Variants in ADGRF5 observed in about 807,000 individuals in gnomAD.
The protein encoded by ADGRF5 is G-protein coupled receptor 116.
A neutral mutation model predicts 132.3 loss-of-function variants in ADGRF5; 75 were observed. The observed-to-expected ratio is 0.57, with a 90% CI of 0.47 to 0.69. ADGRF5 has a LOEUF of 0.69. Ranked by LOEUF, ADGRF5 falls within the 30% of genes least tolerant of loss-of-function variation. The pLI, the probability that ADGRF5 is intolerant of heterozygous loss-of-function variation, is 0.00. For synonymous variants in ADGRF5, 629 were observed against 597.6 expected, an observed-to-expected ratio of 1.05 and a Z score of -0.77; for missense variants, 1,516 against 1,630.6, an observed-to-expected ratio of 0.93 and a Z score of 1.21.
Position 46,880,003 on chromosome 6 carries a change from A to T in ADGRF5, c.851T>A (p.Phe284Tyr). ...SNFFVTPEIIFEGDTVSLVCE... is the reference protein window; with the variant it reads ...SNFFVTPEIIYEGDTVSLVCE... ...CACCAGACTGACTGTGTCCCCTTCA[A>T]AGATGATTTCTGGTGTGACAAAGAA... Residue 284 changes from phenylalanine to tyrosine, a missense_variant, in exon 9 of 21, where the codon TTT becomes TAT. Around this residue, in one of 2 missense-constraint regions of ADGRF5, gnomAD observed 945 missense variants for 929.4 expected, o/e 1.02. Coordinates refer to ENST00000283296, the MANE Select transcript of ADGRF5 (RefSeq NM_001098518.2). 6.2e-7 allele frequency: 1 copy of T among 1,614,136 alleles called. No homozygotes were observed. The highest frequency in any genetic ancestry group is 8.5e-7 in the Non-Finnish European group (1 of 1,179,996).
intron 1 of ADGRF5, among the ~76,000 whole-genome samples, chr6:46,920,837 T>A (rs1420837060): frequency 2.0e-5 from 3 of 152,066 alleles, no homozygotes; most frequent in Non-Finnish European, 2.9e-5. Context: ...CACTCCAACC[T>A]GGGCGACAGA....
chr6:46,944,726 G>T (rs912376244), intron 1 of ADGRF5, among the ~76,000 whole-genome samples: 10 of 152,120 alleles, frequency 6.6e-5, no homozygotes, highest in Admixed American at 4.6e-4. Flanking sequence ...CCAAAATAGA[G>T]ATTTTTAAAA....
At chr6:46,920,829 C>T (rs1582021064) in intron 1 of ADGRF5, among the ~76,000 whole-genome samples, 1 of 151,976 alleles carries the variant, frequency 6.6e-6, no homozygotes, top group Non-Finnish European at 1.5e-5. Flanking sequence ...TGCCACTGCA[C>T]TCCAACCTGG....
At chr6:46,881,356 G>T (rs989259559) in intron 8 of ADGRF5, 99 bp downstream of exon 8, 1 of 1,017,516 alleles carries the variant, frequency 9.8e-7, no homozygotes. Flanking sequence ...CCAGGAACTG[G>T]AGTGTCTAGC....
At chr6:46,953,671 A>ATATATATG (rs1778605991) in intron 1 of ADGRF5, among the ~76,000 whole-genome samples, 1 of 132,264 alleles carries the variant, frequency 7.6e-6, no homozygotes, top group African/African-American at 3.0e-5. Flanking sequence ...ATATATATAT[A>ATATATATG]TATATATATA....
intron 3 of ADGRF5, 116 bp from the exon 4 acceptor site, chr6:46,888,621 C>A: frequency 1.4e-6 from 1 of 712,180 alleles, no homozygotes; most frequent in East Asian, 2.6e-5. Flanking sequence ...GTTGGTCTAT[C>A]AACCCTTAGG....
At chr6:46,890,632 G>C (rs111882683) in intron 3 of ADGRF5, among the ~76,000 whole-genome samples, 1 of 151,938 alleles carries the variant, frequency 6.6e-6, no homozygotes, top group East Asian at 2.0e-4. Flanking sequence ...CAGAAGAATC[G>C]CTTGAACCCA....
At chr6:46,941,416 GAAAA>G (rs1778059027) in intron 1 of ADGRF5, among the ~76,000 whole-genome samples, 1 of 36,038 alleles carries the variant, frequency 2.8e-5, no homozygotes, top group African/African-American at 1.1e-4. Context: ...GAAAAGAAAA[GAAAA>G]GAAAAGAAAA....
intron 1 of ADGRF5, among the ~76,000 whole-genome samples, chr6:46,911,892 T>G (rs1775985763): frequency 6.6e-6 from 1 of 152,152 alleles, no homozygotes; most frequent in Non-Finnish European, 1.5e-5. Context: ...AATAAATTAC[T>G]CAATTCATTG....
chr6:46,878,067 T>C, intron 10 of ADGRF5, 135 bp downstream of exon 10: 1 of 662,728 alleles, frequency 1.5e-6, no homozygotes, highest in Non-Finnish European at 2.7e-6. Flanking sequence ...GCATCAAACC[T>C]AATGCCTTTT....
At chr6:46,935,925 G>A (rs1280745967) in intron 1 of ADGRF5, among the ~76,000 whole-genome samples, 3 of 152,188 alleles carry the variant, frequency 2.0e-5, no homozygotes, top group African/African-American at 2.4e-5. Context: ...GGCGTCCTCC[G>A]GAATGAGGTG....
intron 1 of ADGRF5, among the ~76,000 whole-genome samples, chr6:46,935,410 C>T (rs1048678505): frequency 5.9e-5 from 9 of 152,162 alleles, no homozygotes; most frequent in African/African-American, 2.2e-4. Context: ...ACCACTCCAC[C>T]CTGGTGTCAC....
chr6:46,888,443 C>T lies in ADGRF5; in HGVS notation c.220G>A (p.Ala74Thr), dbSNP rs1562195452. Residue 74 changes from alanine to threonine, a missense_variant, in exon 4 of 21, where the codon GCA (alanine) becomes ACA (threonine). This residue lies in a region of ADGRF5 where 945 missense variants were observed against 929.4 expected (regional missense o/e 1.02). Transcript: ENST00000283296. ...TVNIEISFENASFLDPIKAYL... is the reference protein window; with the variant it reads ...TVNIEISFENTSFLDPIKAYL... ...GCTTTGATAGGATCCAGGAAGGATG[C>T]ATTTTCAAAACTGATCTCAATATTA... 3 of 1,612,222 alleles carry T rather than the reference C, an allele frequency of 1.9e-6. No homozygotes were observed. Among genetic ancestry groups the T allele is most frequent in the South Asian group, 1.1e-5 (1 of 91,048 alleles).
At chr6:46,940,864 G>C (rs1304741106) in intron 1 of ADGRF5, among the ~76,000 whole-genome samples, 2 of 152,148 alleles carry the variant, frequency 1.3e-5, no homozygotes, top group African/African-American at 2.4e-5. Flanking sequence ...AGCACTTACA[G>C]CAAAGAAGAT....
At chr6:46,935,085 C>G (rs966273157) in intron 1 of ADGRF5, among the ~76,000 whole-genome samples, 1 of 141,530 alleles carries the variant, frequency 7.1e-6, no homozygotes, top group Non-Finnish European at 1.5e-5. Context: ...CTCACTGCAA[C>G]CTCCGCCTCC....
Position 46,880,358 on chromosome 6 carries a change from T to TAA in ADGRF5, c.815-321_815-320dup, listed in dbSNP as rs5875988. On this transcript the variant is annotated intron_variant, in intron 8 of 20. Coordinates refer to ENST00000283296, the MANE Select transcript of ADGRF5 (RefSeq NM_001098518.2). Reference sequence around the variant, plus strand: ...TGGTAGAAAATTGCACATTTTTTTATAAAAAAAAAACAAACTTAAATACCA... The same window carrying TAA: ...TGGTAGAAAATTGCACATTTTTTTATAAAAAAAAAAAACAAACTTAAATACCA... Among the ~76,000 whole-genome samples, 674 of 150,308 alleles carry TAA rather than the reference T, an allele frequency of 4.5e-3. 6 individuals carry two copies. The highest frequency in any genetic ancestry group is 0.024 in the South Asian group (115 of 4,752).
intron 15 of ADGRF5, among the ~76,000 whole-genome samples, chr6:46,861,630 T>C (rs1374253223): frequency 6.6e-6 from 1 of 152,244 alleles, no homozygotes; most frequent in Non-Finnish European, 1.5e-5. Flanking sequence ...AATTAAATTA[T>C]AAGCTCCTTA....
chr6:46,902,249 G>T (rs370965041), intron 2 of ADGRF5, among the ~76,000 whole-genome samples: 4 of 152,090 alleles, frequency 2.6e-5, no homozygotes, highest in Admixed American at 2.0e-4. Context: ...TCCTCTCTGG[G>T]GCCTGGTGGG....
At chr6:46,942,450 C>G (rs1399841296) in intron 1 of ADGRF5, among the ~76,000 whole-genome samples, 1 of 152,204 alleles carries the variant, frequency 6.6e-6, no homozygotes, top group East Asian at 1.9e-4. Flanking sequence ...GGGTTGAAGT[C>G]CTAGTTCTAC....
Sources: gnomAD v4.1 joint callset for allele counts (sites outside exome capture counted in the v4.1 genomes callset) on GRCh38, gnomAD v4.1.1 for gene constraint, gnomAD v4.1.1 regional missense constraint, MANE v1.5 for transcripts, NCBI Gene and HGNC (gene_info 2026-07-23, HGNC 2026-07-21) for gene names.